Variants in CBR4 observed in about 807,000 individuals in gnomAD.
CBR4 encodes carbonyl reductase 4, also known as 3-oxoacyl-[acyl-carrier-protein] reductase.
In CBR4, 22 loss-of-function variants were observed where a neutral mutation model predicts 21.0. The ratio of observed to expected loss-of-function variants is 1.05; its 90% CI spans 0.75 to 1.50. The LOEUF is 1.50. Among genes scored for constraint, CBR4 ranks in the 40% most tolerant of loss-of-function variants. The pLI, the probability that CBR4 is intolerant of heterozygous loss-of-function variation, is 0.00. For synonymous variants in CBR4, 100 were observed against 104.4 expected, an observed-to-expected ratio of 0.96 and a Z score of 0.26; for missense variants, 302 against 286.3, an observed-to-expected ratio of 1.05 and a Z score of -0.40.
At chr4:168,894,603 G>C in exon 3 of CBR4, 1 of 1,613,280 alleles carries the variant, frequency 6.2e-7, no homozygotes. Context: ...AGAAAGAATG[G>C]CTCGTCGACT....
rs149088419 is a variant in CBR4, at chr4:168,945,063, A to G, written n.170-50298T>C. ...TCTTTCACTAAATTCCTTCTTTTGG[A>G]AAGTTTTAAGGTTAGCTCCTGTATA... On this transcript the variant is annotated intron_variant and non_coding_transcript_variant, in intron 2 of 3. Transcript: ENST00000509108. Among the ~76,000 whole-genome samples the G allele has an allele frequency of 4.8e-3, 738 of 152,294 alleles. 7 individuals carry two copies. Among genetic ancestry groups the G allele is most frequent in the Admixed American group, 5.7e-3 (87 of 15,298 alleles).
At chr4:168,978,825 C>A (rs571478040) in intron 2 of CBR4, among the ~76,000 whole-genome samples, 2 of 152,244 alleles carry the variant, frequency 1.3e-5, no homozygotes, top group African/African-American at 4.8e-5. Flanking sequence ...CAGGCCTTGC[C>A]CCAACTACAC....
intron 2 of CBR4, among the ~76,000 whole-genome samples, chr4:168,971,410 C>T (rs918085258): frequency 4.6e-5 from 7 of 150,818 alleles, no homozygotes; most frequent in African/African-American, 1.7e-4. Context: ...GCTGGGATCA[C>T]AGGCACACAC....
intron 4 of CBR4, among the ~76,000 whole-genome samples, chr4:168,997,365 T>C (rs879662539): frequency 5.3e-5 from 8 of 152,208 alleles, no homozygotes; most frequent in Admixed American, 5.2e-4. Flanking sequence ...ATAGGAACTC[T>C]TTAGGAACAG....
chr4:168,990,843 A>G (rs1330086963), intron 4 of CBR4, among the ~76,000 whole-genome samples: 1 of 152,050 alleles, frequency 6.6e-6, no homozygotes, highest in African/African-American at 2.4e-5. Flanking sequence ...ACCTGAGGGC[A>G]GGAGTTCGAG....
chr4:168,971,190 T>C (rs1032229106), intron 2 of CBR4, among the ~76,000 whole-genome samples: 1 of 152,218 alleles, frequency 6.6e-6, no homozygotes, highest in Non-Finnish European at 1.5e-5. Context: ...TGGTATCACA[T>C]TGTGGTTTCG....
chr4:168,954,045 TAGGACCAAAAAG>T (rs1157601021), intron 2 of CBR4, among the ~76,000 whole-genome samples: 3 of 151,810 alleles, frequency 2.0e-5, no homozygotes, highest in African/African-American at 7.3e-5. Flanking sequence ...TCCCAGAAAG[TAGGACCAAAAAG>T]AGAGAAAGAG....
chr4:168,974,112 G>A (rs1477932483), intron 2 of CBR4, among the ~76,000 whole-genome samples: 1 of 152,056 alleles, frequency 6.6e-6, no homozygotes, highest in South Asian at 2.1e-4. Context: ...TGTAATGCTG[G>A]CTTGGTAGTG....
chr4:168,899,495 T>A (rs1346914120), intron 2 of CBR4, among the ~76,000 whole-genome samples: 3 of 152,192 alleles, frequency 2.0e-5, no homozygotes, highest in African/African-American at 4.8e-5. Flanking sequence ...ATGATTAAAA[T>A]TCTTAGAAGC....
chr4:168,939,685 G>C (rs1002493175), intron 2 of CBR4, among the ~76,000 whole-genome samples: 2 of 151,824 alleles, frequency 1.3e-5, no homozygotes, highest in Non-Finnish European at 2.9e-5. Context: ...ACTCCCATTT[G>C]CAATTGCTAC....
At chr4:168,985,833 T>C (rs1418576151), downstream of CBR4, among the ~76,000 whole-genome samples, 3 of 152,130 alleles carry the variant, frequency 2.0e-5, no homozygotes, top group Non-Finnish European at 2.9e-5. Context: ...TTAATTCATT[T>C]AGAATAAGTG....
chr4:168,898,742 G>A (rs772527323), intron 2 of CBR4: 2 of 1,460,228 alleles, frequency 1.4e-6, no homozygotes, highest in African/African-American at 2.8e-5. Context: ...GGCTTTTTAA[G>A]AGTCATTCTC....
chr4:168,949,534 T>C (rs1763481572), intron 2 of CBR4, among the ~76,000 whole-genome samples: 1 of 152,180 alleles, frequency 6.6e-6, no homozygotes, highest in Non-Finnish European at 1.5e-5. Context: ...CATTGAGGTA[T>C]TGTCCCTTGT....
chr4:168,918,178 C>T (rs1760614249), intron 2 of CBR4, among the ~76,000 whole-genome samples: 1 of 151,146 alleles, frequency 6.6e-6, no homozygotes, highest in African/African-American at 2.4e-5. Flanking sequence ...ACAAGACTCC[C>T]CGTCTCCCCC....
intron 2 of CBR4, among the ~76,000 whole-genome samples, chr4:168,978,241 T>A (rs1223001381): frequency 5.9e-5 from 9 of 152,190 alleles, no homozygotes; most frequent in Non-Finnish European, 1.3e-4. Context: ...ATGAAAGGCT[T>A]TACAGTCAGC....
Position 168,952,280 on chromosome 4 carries a change from T to TA in CBR4, n.169+49790dup, listed in dbSNP as rs538940215. Reference sequence around the variant, plus strand: ...TTTCCTGAAGTTTTGATTTTTTTTTTATGGTTATCTATTTCCTTGAACATT... The same window carrying TA: ...TTTCCTGAAGTTTTGATTTTTTTTTTAATGGTTATCTATTTCCTTGAACATT... On this transcript the variant is annotated intron_variant and non_coding_transcript_variant, in intron 2 of 3. Transcript: ENST00000509108. Among the ~76,000 whole-genome samples the TA allele has an allele frequency of 9.0e-4, 137 of 152,284 alleles. 1 individual carries two copies. The highest frequency in any genetic ancestry group is 1.4e-3 in the Non-Finnish European group (94 of 68,028).
chr4:168,969,121 C>G (rs956768798), intron 2 of CBR4, among the ~76,000 whole-genome samples: 2 of 152,168 alleles, frequency 1.3e-5, no homozygotes, highest in African/African-American at 2.4e-5. Flanking sequence ...TCCCAAGAAT[C>G]TTTGAAACAC....
intron 2 of CBR4, among the ~76,000 whole-genome samples, chr4:168,974,973 A>G (rs1764324659): frequency 6.6e-6 from 1 of 152,136 alleles, no homozygotes; most frequent in South Asian, 2.1e-4. Flanking sequence ...GGATGCTATT[A>G]AAGAATCTTG....
intron 2 of CBR4, among the ~76,000 whole-genome samples, chr4:168,978,034 C>G (rs1764424630): frequency 6.6e-6 from 1 of 152,160 alleles, no homozygotes; most frequent in African/African-American, 2.4e-5. Flanking sequence ...ATCATGTATC[C>G]TCCTACTTGA....
Sources: allele counts gnomAD v4.1 joint callset (sites outside exome capture counted in the v4.1 genomes callset), GRCh38; gene constraint gnomAD v4.1.1; transcripts MANE v1.5; gene names NCBI Gene and HGNC (gene_info 2026-07-23, HGNC 2026-07-21).